Variants in SEMA4D observed in about 807,000 individuals in gnomAD.
SEMA4D encodes the protein semaphorin 4D, also known as semaphorin-4D.
A neutral mutation model predicts 74.8 loss-of-function variants in SEMA4D; 22 were observed. The observed-to-expected ratio is 0.29, with a 90% CI of 0.21 to 0.42. The LOEUF is 0.42. Ranked by LOEUF, SEMA4D falls within the 10% of genes least tolerant of loss-of-function variation. SEMA4D has a pLI of 1.00. For synonymous variants in SEMA4D, 445 were observed against 463.7 expected, an observed-to-expected ratio of 0.96 and a Z score of 0.52; for missense variants, 937 against 1,118.4, an observed-to-expected ratio of 0.84 and a Z score of 2.31.
At chr9:89,438,086 T>G (rs1185133078) in intron 2 of SEMA4D, among the ~76,000 whole-genome samples, 1 of 152,160 alleles carries the variant, frequency 6.6e-6, no homozygotes, top group Non-Finnish European at 1.5e-5. Context: ...GGCACCCAGA[T>G]GCTGTGGAGG....
At position 89,386,729 on chromosome 9, in the gene SEMA4D, A is replaced by G. The variant is rs1000676457; in HGVS notation, c.1331-247T>C. 8 of 402,064 alleles carry G rather than the reference A, an allele frequency of 2.0e-5. No individual in the cohort carries two copies. The East Asian group carries it at 4.3e-4, about 21-fold the overall frequency. 24.9% of individuals were successfully genotyped at this position (402,064 alleles called of 1,614,324 possible). ...AGGAAAATAAACTGTTCCATGGTTG[A>G]CCCCAAGAATCCTCACCAACAGTCG... On this transcript the variant is annotated intron_variant, in intron 12 of 15. Coordinates refer to ENST00000422704, the MANE Select transcript of SEMA4D (RefSeq NM_001371194.2).
chr9:89,403,626 T>C (rs1842655216), intron 3 of SEMA4D, among the ~76,000 whole-genome samples: 1 of 152,180 alleles, frequency 6.6e-6, no homozygotes, highest in Non-Finnish European at 1.5e-5. Flanking sequence ...CTTAGGAAAA[T>C]GAAGATTTGA....
chr9:89,413,854 G>A (rs1032766039), intron 2 of SEMA4D, among the ~76,000 whole-genome samples: 5 of 152,222 alleles, frequency 3.3e-5, no homozygotes, highest in African/African-American at 9.6e-5. Context: ...ATCTGTGTGC[G>A]CATCTGTGTA....
chr9:89,448,798 GC>G (rs1162471723), intron 2 of SEMA4D, among the ~76,000 whole-genome samples: 2 of 152,340 alleles, frequency 1.3e-5, no homozygotes, highest in East Asian at 3.9e-4. Flanking sequence ...ATGTGGAAGT[GC>G]CTGAGGGGCT....
intron 3 of SEMA4D, among the ~76,000 whole-genome samples, chr9:89,404,692 G>A (rs1224882177): frequency 1.5e-4 from 19 of 129,906 alleles, no homozygotes; most frequent in East Asian, 2.3e-4. Context: ...TCCCCATCCC[G>A]TCCCCAGCCA....
chr9:89,387,982 C>T (rs1838910708), intron 11 of SEMA4D, among the ~76,000 whole-genome samples: 1 of 152,204 alleles, frequency 6.6e-6, no homozygotes, highest in Non-Finnish European at 1.5e-5. Context: ...TTTAAAATAG[C>T]ATAAGAGCCT....
Position 89,379,453 on chromosome 9 carries a change from A to G in SEMA4D, c.1840T>C (p.Leu614=). ...TACACCCCACTGTCTCCTTCTGACA[A>G]GTTGAAGATGAGCAAGTTTTTTCTG... is the stretch of plus-strand genomic sequence containing the variant. ...MGRKNLLIFN[L]SEGDSGVYQC... is the part of the protein sequence containing the mutation. Residue 614 remains leucine, a synonymous_variant, in exon 16 of 16, where the codon TTG becomes CTG. Coordinates refer to ENST00000422704, the MANE Select transcript of SEMA4D (RefSeq NM_001371194.2). 1 of 1,614,152 alleles carries G rather than the reference A, an allele frequency of 6.2e-7. No homozygotes were observed. The highest frequency in any genetic ancestry group is 8.5e-7 in the Non-Finnish European group (1 of 1,180,024).
At chr9:89,450,146 TG>T in intron 2 of SEMA4D, 1 of 1,278,550 alleles carries the variant, frequency 7.8e-7, no homozygotes, top group Non-Finnish European at 1.1e-6. Flanking sequence ...ATGTCATCGA[TG>T]GAGAAAAAAC....
chr9:89,449,572 C>T (rs1853839885), intron 2 of SEMA4D: 6 of 826,578 alleles, frequency 7.3e-6, no homozygotes, highest in South Asian at 1.3e-5. Flanking sequence ...CAGGCAAAGA[C>T]GAGCAGCAGG....
At chr9:89,494,090 A>G (rs1825824042) in intron 1 of SEMA4D, among the ~76,000 whole-genome samples, 1 of 152,216 alleles carries the variant, frequency 6.6e-6, no homozygotes, top group South Asian at 2.1e-4. Context: ...ATGGAAGCCA[A>G]TTCATCTGTT....
intron 11 of SEMA4D, 133 bp downstream of exon 11, chr9:89,388,503 G>T: frequency 9.4e-7 from 1 of 1,068,116 alleles, no homozygotes; most frequent in Non-Finnish European, 1.3e-6. Context: ...CTCATCGGCC[G>T]TCCCTGTCCC....
At chr9:89,463,240 C>A (rs941100461) in intron 1 of SEMA4D, among the ~76,000 whole-genome samples, 8 of 152,152 alleles carry the variant, frequency 5.3e-5, no homozygotes, top group Non-Finnish European at 8.8e-5. Flanking sequence ...CTCCAAACCA[C>A]CTGCTACTAT....
At chr9:89,435,089 G>A (rs1850108146) in intron 2 of SEMA4D, among the ~76,000 whole-genome samples, 1 of 152,182 alleles carries the variant, frequency 6.6e-6, no homozygotes, top group South Asian at 2.1e-4. Context: ...GTCTACCTGG[G>A]CATGGGGGAA....
At chr9:89,373,972 G>C (rs2132533231), downstream of SEMA4D, among the ~76,000 whole-genome samples, 1 of 152,304 alleles carries the variant, frequency 6.6e-6, no homozygotes, top group South Asian at 2.1e-4. Flanking sequence ...GCCCCTCTGA[G>C]TTCACGGCAT....
At chr9:89,399,665 T>C (rs1411535912) in intron 4 of SEMA4D, among the ~76,000 whole-genome samples, 1 of 152,186 alleles carries the variant, frequency 6.6e-6, no homozygotes, top group Non-Finnish European at 1.5e-5. Flanking sequence ...ACCATAAGTA[T>C]TTTCAAACAT....
intron 1 of SEMA4D, among the ~76,000 whole-genome samples, chr9:89,481,658 C>T (rs961607034): frequency 2.0e-5 from 3 of 152,206 alleles, no homozygotes; most frequent in African/African-American, 7.2e-5. Context: ...GAGAAGAAGA[C>T]CCTGGGTGAG....
chr9:89,478,858 C>T (rs1389270210), intron 1 of SEMA4D, among the ~76,000 whole-genome samples: 1 of 149,624 alleles, frequency 6.7e-6, no homozygotes, highest in Non-Finnish European at 1.5e-5. Context: ...TGCATGTTAC[C>T]CTGAACTCAG....
chr9:89,460,829 G>T (rs73488269), intron 1 of SEMA4D, among the ~76,000 whole-genome samples: 1,737 of 152,336 alleles, frequency 0.011, 27 homozygotes, highest in African/African-American at 0.039. Flanking sequence ...TGTGTAAGCT[G>T]CCCTCCTCCT....
At chr9:89,441,403 C>A (rs1851635972) in intron 2 of SEMA4D, among the ~76,000 whole-genome samples, 1 of 152,226 alleles carries the variant, frequency 6.6e-6, no homozygotes, top group African/African-American at 2.4e-5. Flanking sequence ...GAACAGCAGG[C>A]AAGACAGAGC....
Sources: allele counts gnomAD v4.1 joint callset (sites outside exome capture counted in the v4.1 genomes callset), GRCh38; gene constraint gnomAD v4.1.1; transcripts MANE v1.5; gene names NCBI Gene and HGNC (gene_info 2026-07-23, HGNC 2026-07-21).